Variants in PCDH11X observed in about 807,000 individuals in gnomAD.
PCDH11X encodes the protein protocadherin-11 X-linked.
A neutral mutation model predicts 53.3 loss-of-function variants in PCDH11X; 18 were observed. That is an observed-to-expected ratio of 0.34 (90% CI 0.23 to 0.50). The LOEUF (loss-of-function observed/expected upper bound fraction) is 0.50. Ranked by LOEUF, PCDH11X falls within the 20% of genes least tolerant of loss-of-function variation. The pLI is 0.98. For synonymous variants in PCDH11X, 279 were observed against 393.3 expected, an observed-to-expected ratio of 0.71 and a Z score of 3.44; for missense variants, 570 against 1,032.4, an observed-to-expected ratio of 0.55 and a Z score of 6.14.
intron 10 of PCDH11X, among the ~76,000 whole-genome samples, chrX:92,488,348 A>C (rs1408650779): frequency 1.8e-5 from 2 of 111,389 alleles, no homozygotes; most frequent in African/African-American, 6.5e-5. Context: ...TGAGTTGTTC[A>C]CCTGTGTTTC....
In PCDH11X at chrX:92,617,305, A is replaced by AT. The variant is rs750948785; in HGVS notation, c.3368-953dup. 8.1e-5 allele frequency among the ~76,000 whole-genome samples: 9 copies of AT among 110,897 alleles called. No individual in the cohort carries two copies. In the East Asian group the frequency reaches 2.3e-3, roughly 28 times the overall value. ...TCTTCTATGCATTTACTGATTTTCT[A>AT]TTTTTTCCATCAAGTTCTAAGGAGT... On this transcript the variant is annotated intron_variant, in intron 10 of 10. Coordinates refer to ENST00000682573, the MANE Select transcript of PCDH11X (RefSeq NM_032968.5).
chrX:92,490,817 AAAGC>A (rs201716487), intron 10 of PCDH11X, among the ~76,000 whole-genome samples: 94 of 110,387 alleles, frequency 8.5e-4, no homozygotes, highest in Middle Eastern at 4.7e-3. Flanking sequence ...AGAGAGAGAG[AAAGC>A]AAGCAAGCAA....
chrX:92,048,550 C>G (rs1446553393), intron 6 of PCDH11X, among the ~76,000 whole-genome samples: 1 of 110,630 alleles, frequency 9.0e-6, no homozygotes, highest in Non-Finnish European at 1.9e-5. Flanking sequence ...TTTTACATAG[C>G]TACTTATCAA....
chrX:92,217,753 G>C (rs1371046832), intron 7 of PCDH11X, among the ~76,000 whole-genome samples: 2 of 110,543 alleles, frequency 1.8e-5, no homozygotes, highest in African/African-American at 6.6e-5. Context: ...AATATACATT[G>C]TTTTCAGCAC....
intron 5 of PCDH11X, among the ~76,000 whole-genome samples, chrX:91,861,521 G>A (rs1282129440): frequency 2.7e-5 from 3 of 109,464 alleles, no homozygotes; most frequent in South Asian, 4.1e-4. Flanking sequence ...CCTCCCAGTC[G>A]AAACCTTCCA....
intron 8 of PCDH11X, among the ~76,000 whole-genome samples, chrX:92,311,550 G>T (rs1463453971): frequency 9.0e-6 from 1 of 111,189 alleles, no homozygotes; most frequent in East Asian, 2.8e-4. Context: ...GCAATTGAAA[G>T]TTAATTCTCA....
At chrX:92,126,515 A>G (rs1198197912) in intron 6 of PCDH11X, among the ~76,000 whole-genome samples, 2 of 110,573 alleles carry the variant, frequency 1.8e-5, no homozygotes, top group Non-Finnish European at 3.8e-5. Context: ...AGGCCGAGGC[A>G]GGTGAATCGC....
intron 6 of PCDH11X, among the ~76,000 whole-genome samples, chrX:91,880,474 G>C (rs1939840093): frequency 9.0e-6 from 1 of 111,515 alleles, no homozygotes; most frequent in South Asian, 3.7e-4. Flanking sequence ...AATGCAAATA[G>C]TTTACCATAA....
chrX:92,527,495 A>C lies in PCDH11X; in HGVS notation c.3367+59173A>C, dbSNP rs181279862. On this transcript the variant is annotated intron_variant, in intron 10 of 10. Coordinates refer to ENST00000682573, the MANE Select transcript of PCDH11X (RefSeq NM_032968.5). ...TGAAGAATATTTGAAATTAGTGAAC[A>C]CATTTTTTCTTGCTAAATTACACAT... 4.9e-3 allele frequency among the ~76,000 whole-genome samples: 540 copies of C among 111,168 alleles called. 4 individuals are homozygous for C. In the South Asian group the frequency reaches 0.067, roughly 14 times the overall value.
At chrX:92,332,522 C>T (rs1233584437) in intron 8 of PCDH11X, among the ~76,000 whole-genome samples, 1 of 111,109 alleles carries the variant, frequency 9.0e-6, no homozygotes, top group Non-Finnish European at 1.9e-5. Flanking sequence ...TATCACTACT[C>T]CCTGTTGATA....
At chrX:92,173,970 G>A (rs1164501643) in intron 6 of PCDH11X, among the ~76,000 whole-genome samples, 4 of 69,323 alleles carry the variant, frequency 5.8e-5, no homozygotes, top group African/African-American at 2.4e-4. Flanking sequence ...GGGTGATAGA[G>A]TGAGACCCAG....
intron 6 of PCDH11X, among the ~76,000 whole-genome samples, chrX:91,891,126 G>A (rs1159274978): frequency 1.8e-5 from 2 of 109,839 alleles, no homozygotes; most frequent in African/African-American, 6.6e-5. Context: ...CTACTTTGGA[G>A]CTGTAATTTT....
chrX:92,600,267 C>T (rs929382019), intron 10 of PCDH11X, among the ~76,000 whole-genome samples: 1 of 109,667 alleles, frequency 9.1e-6, no homozygotes, highest in African/African-American at 3.4e-5. Flanking sequence ...AAAATTTCTC[C>T]AGGACATGTC....
chrX:92,511,246 T>C (rs1215449080), intron 10 of PCDH11X, among the ~76,000 whole-genome samples: 2 of 111,708 alleles, frequency 1.8e-5, no homozygotes, highest in Non-Finnish European at 3.8e-5. Flanking sequence ...TCTCAGTAAA[T>C]TGTATTGACT....
chrX:92,534,573 C>T (rs1213338989), intron 10 of PCDH11X, among the ~76,000 whole-genome samples: 41 of 96,245 alleles, frequency 4.3e-4, no homozygotes, highest in East Asian at 1.0e-3. Flanking sequence ...AGATACTCCT[C>T]GAGAAGAGCA....
intron 4 of PCDH11X, among the ~76,000 whole-genome samples, chrX:91,825,835 T>A (rs1315529959): frequency 9.3e-6 from 1 of 107,715 alleles, no homozygotes; most frequent in Non-Finnish European, 1.9e-5. Flanking sequence ...ATTCATAATA[T>A]AAAATATTAT....
intron 6 of PCDH11X, among the ~76,000 whole-genome samples, chrX:92,074,008 T>C (rs1429531229): frequency 8.9e-6 from 1 of 112,011 alleles, no homozygotes; most frequent in Non-Finnish European, 1.9e-5. Flanking sequence ...ATTTATTTTC[T>C]TTTCTTATGA....
chrX:92,266,291 C>A (rs1213321101), intron 8 of PCDH11X, among the ~76,000 whole-genome samples: 1 of 111,655 alleles, frequency 9.0e-6, no homozygotes, highest in African/African-American at 3.3e-5. Flanking sequence ...CTTTTATGTT[C>A]AGTTTAATTC....
intron 10 of PCDH11X, among the ~76,000 whole-genome samples, chrX:92,543,286 C>T (rs1387490691): frequency 9.7e-6 from 1 of 102,586 alleles, no homozygotes; most frequent in Non-Finnish European, 2.0e-5. Flanking sequence ...CTTCTCCAAT[C>T]GTGATTGAAA....
Sources: gnomAD v4.1 joint callset for allele counts (sites outside exome capture counted in the v4.1 genomes callset) on GRCh38, gnomAD v4.1.1 for gene constraint, MANE v1.5 for transcripts, NCBI Gene and HGNC (gene_info 2026-07-23, HGNC 2026-07-21) for gene names.